Variants in PIK3CA observed in about 807,000 individuals in gnomAD.
The protein encoded by PIK3CA is phosphatidylinositol-4,5-bisphosphate 3-kinase catalytic subunit alpha, also known as phosphatidylinositol 4,5-bisphosphate 3-kinase catalytic subunit alpha isoform.
A neutral mutation model predicts 138.2 loss-of-function variants in PIK3CA; 27 were observed. The observed-to-expected ratio is 0.20, with a 90% CI of 0.14 to 0.27. The LOEUF is 0.27. Ranked by LOEUF, PIK3CA falls within the 10% of genes least tolerant of loss-of-function variation. The pLI, the probability that PIK3CA is intolerant of heterozygous loss-of-function variation, is 1.00. For missense variants in PIK3CA, 544 were observed against 1,277.4 expected (o/e 0.43, Z 8.75); for synonymous variants, 358 against 413.2 (o/e 0.87, Z 1.62).
At chr3:179,182,730 T>C (rs1358970388) in intron 1 of PIK3CA, among the ~76,000 whole-genome samples, 1 of 152,206 alleles carries the variant, frequency 6.6e-6, no homozygotes, top group Non-Finnish European at 1.5e-5. Context: ...TACACAGTTA[T>C]ACCCATTTCA....
At chr3:179,190,602 A>C (rs1241185709) in intron 1 of PIK3CA, among the ~76,000 whole-genome samples, 1 of 152,116 alleles carries the variant, frequency 6.6e-6, no homozygotes, top group African/African-American at 2.4e-5. Context: ...CAGACTAAAG[A>C]TTCATTTGGT....
At chr3:179,171,106 C>CAACTAAAACT in intron 1 of PIK3CA, among the ~76,000 whole-genome samples, 8 of 151,330 alleles carry the variant, frequency 5.3e-5, no homozygotes, top group African/African-American at 2.0e-4. Context: ...TTTGCAACTA[C>CAACTAAAACT]AAAGGAATTA....
chr3:179,232,988 G>C (rs1307848285), intron 20 of PIK3CA, among the ~76,000 whole-genome samples: 1 of 152,054 alleles, frequency 6.6e-6, no homozygotes, highest in Admixed American at 6.6e-5. Context: ...TTTCCAAGTA[G>C]CTGGGATTAC....
intron 6 of PIK3CA, among the ~76,000 whole-genome samples, chr3:179,205,311 A>G (rs1201595086): frequency 6.6e-6 from 1 of 152,194 alleles, no homozygotes; most frequent in Non-Finnish European, 1.5e-5. Context: ...AATGAGTATC[A>G]GTCACAGGAT....
At chr3:179,209,816 C>T (rs893365014) in intron 7 of PIK3CA, 116 bp downstream of exon 7, 116 of 497,240 alleles carry the variant, frequency 2.3e-4, no homozygotes, top group Non-Finnish European at 3.6e-4. Context: ...TAATAATAAA[C>T]CTATTTTTAA....
At chr3:179,189,079 T>C (rs1724060983) in intron 1 of PIK3CA, among the ~76,000 whole-genome samples, 2 of 152,010 alleles carry the variant, frequency 1.3e-5, no homozygotes, top group Admixed American at 1.3e-4. Context: ...CTGGGCATGG[T>C]AGCACATGCT....
At chr3:179,201,637 T>C in intron 4 of PIK3CA, 97 bp downstream of exon 4, 1 of 772,650 alleles carries the variant, frequency 1.3e-6, no homozygotes, top group Non-Finnish European at 2.0e-6. Flanking sequence ...AGACGGAATC[T>C]CACTCTCGCC....
intron 9 of PIK3CA, among the ~76,000 whole-genome samples, chr3:179,214,084 A>G (rs937032102): frequency 6.6e-6 from 1 of 152,194 alleles, no homozygotes; most frequent in Non-Finnish European, 1.5e-5. Context: ...TTGATCTTCT[A>G]TCTAGACCAC....
chr3:179,219,520 C>G lies in PIK3CA; in HGVS notation c.1747-51C>G, dbSNP rs1231980124. On this transcript the variant is annotated intron_variant, in intron 11 of 20. Transcript: ENST00000263967. The surrounding 1 kb of genome is among the most constrained non-coding windows in gnomAD (Gnocchi z 4.2). Reference sequence around the variant, plus strand: ...AAGGCAGTGTTTTAGATGGCTCATTCACAACTATCTTTCCCCTTTAAATAT... The same window carrying G: ...AAGGCAGTGTTTTAGATGGCTCATTGACAACTATCTTTCCCCTTTAAATAT... 1.1e-6 allele frequency: 1 copy of G among 883,802 alleles called. No homozygotes were observed. The highest frequency in any genetic ancestry group is 1.8e-6 in the Non-Finnish European group (1 of 554,318). 54.7% of individuals were successfully genotyped at this position (883,802 alleles called of 1,614,324 possible).
At chr3:179,223,935 A>G (rs1158047320) in intron 14 of PIK3CA, 146 bp from the exon 15 acceptor site, 4 of 467,598 alleles carry the variant, frequency 8.6e-6, no homozygotes, top group African/African-American at 7.8e-5. Context: ...TGTTGTAGAA[A>G]CCCTCTTAAT....
At chr3:179,174,175 T>C (rs1723636947) in intron 1 of PIK3CA, among the ~76,000 whole-genome samples, 1 of 151,970 alleles carries the variant, frequency 6.6e-6, no homozygotes, top group Admixed American at 6.6e-5. Context: ...ACTGAAAGGT[T>C]AATAAAAACA....
At chr3:179,156,363 A>C (rs1408048067) in intron 1 of PIK3CA, among the ~76,000 whole-genome samples, 1 of 152,220 alleles carries the variant, frequency 6.6e-6, no homozygotes, top group African/African-American at 2.4e-5. Context: ...ACCAGTTGCC[A>C]GGGTTATAAA....
chr3:179,224,208 T>C (rs200531486), intron 15 of PIK3CA, 21 bp downstream of exon 15: 31 of 1,164,262 alleles, frequency 2.7e-5, no homozygotes, highest in South Asian at 5.5e-5. Context: ...GGGGGTTTCA[T>C]TGATATATTT....
intron 1 of PIK3CA, among the ~76,000 whole-genome samples, chr3:179,173,202 A>T (rs1723603897): frequency 6.6e-6 from 1 of 151,918 alleles, no homozygotes; most frequent in Non-Finnish European, 1.5e-5. Flanking sequence ...GGTATTATTT[A>T]TGTGGTAACT....
chr3:179,192,504 CTG>C (rs1324390343), intron 1 of PIK3CA, among the ~76,000 whole-genome samples: 1 of 152,220 alleles, frequency 6.6e-6, no homozygotes, highest in Non-Finnish European at 1.5e-5. Flanking sequence ...CTGTATAGGA[CTG>C]TAGTTTGCAG....
Position 179,203,641 on chromosome 3 carries a change from T to C in PIK3CA, c.911T>C (p.Met304Thr), listed in dbSNP as rs2108392866. Reference sequence around the variant, plus strand: ...CAACTGCCAATGGACTGTTTTACAATGCCATCTTATTCCAGACGCATTTCC... The same window carrying C: ...CAACTGCCAATGGACTGTTTTACAACGCCATCTTATTCCAGACGCATTTCC... ...YSQLPMDCFTMPSYSRRISTA... is the reference protein window; with the variant it reads ...YSQLPMDCFTTPSYSRRISTA... The change falls in exon 5 of 21, where the codon ATG (methionine) becomes ACG (threonine). Residue 304 changes from methionine to threonine, a missense_variant. Physicochemically the swap from Met to Thr is moderately conservative, Grantham distance 81. This residue lies in a region of PIK3CA where 234 missense variants were observed against 401.3 expected (regional missense o/e 0.58). Transcript: ENST00000263967. 1.2e-6 allele frequency: 2 copies of C among 1,613,998 alleles called. No homozygotes were observed. Among genetic ancestry groups the C allele is most frequent in the South Asian group, 1.1e-5 (1 of 91,078 alleles).
chr3:179,203,353 TG>T (rs1724470745), intron 4 of PIK3CA, among the ~76,000 whole-genome samples, 190 bp from the exon 5 acceptor site: 1 of 152,344 alleles, frequency 6.6e-6, no homozygotes, highest in East Asian at 1.9e-4. Context: ...AGTGTTTGAT[TG>T]ATCTTGTGCT....
At position 179,234,382 on chromosome 3, in the gene PIK3CA, T is replaced by C. The variant is rs202013414; in HGVS notation, c.*18T>C. On this transcript the variant is annotated 3_prime_UTR_variant, in exon 21 of 21. Coordinates refer to ENST00000263967, the MANE Select transcript of PIK3CA (RefSeq NM_006218.4). The surrounding 1 kb of genome is among the most constrained non-coding windows in gnomAD (Gnocchi z 5.1). ...TGAACTGAAAAGATAACTGAGAAAA[T>C]GAAAGCTCACTCTGGATTCCACACT... The C allele has an allele frequency of 5.0e-6, 8 of 1,588,320 alleles. No homozygotes were observed. Among genetic ancestry groups the C allele is most frequent in the Non-Finnish European group, 6.9e-6 (8 of 1,164,966 alleles).
chr3:179,210,341 A>T lies in PIK3CA; in HGVS notation c.1404+3A>T, dbSNP rs1290303699. On this transcript the variant is annotated splice_donor_region_variant and intron_variant, in intron 8 of 20. Transcript: ENST00000263967. ...TTACTGGATCAAATCCAAATAAAGT[A>T]AGGTTTTTATTGTCATAAATTAGAT... is the stretch of plus-strand genomic sequence containing the variant. 3 of 1,585,572 alleles carry T rather than the reference A, an allele frequency of 1.9e-6. No homozygotes were observed. Among genetic ancestry groups the T allele is most frequent in the Non-Finnish European group, 2.6e-6 (3 of 1,172,194 alleles).
Sources: allele counts gnomAD v4.1 joint callset (sites outside exome capture counted in the v4.1 genomes callset), GRCh38; gene constraint gnomAD v4.1.1; regional missense constraint gnomAD v4.1.1; non-coding constraint Gnocchi (gnomAD v3.1); transcripts MANE v1.5; gene names NCBI Gene and HGNC (gene_info 2026-07-23, HGNC 2026-07-21).